Variants in DCHS2 observed in about 807,000 individuals in gnomAD.
The protein encoded by DCHS2 is protocadherin-23.
Under a neutral mutation model 182.4 loss-of-function variants are expected in DCHS2, and 142 were observed. The ratio of observed to expected loss-of-function variants is 0.78; its 90% CI spans 0.68 to 0.89. The LOEUF (loss-of-function observed/expected upper bound fraction) is 0.89. Ranked by LOEUF, DCHS2 falls within the 40% of genes least tolerant of loss-of-function variation. DCHS2 has a pLI of 0.00. For missense variants in DCHS2, 4,319 were observed against 4,198.6 expected (o/e 1.03, Z -0.79); for synonymous variants, 1,740 against 1,663.3 (o/e 1.05, Z -1.12).
At chr4:154,414,093 C>T (rs977349855) in intron 1 of DCHS2, among the ~76,000 whole-genome samples, 17 of 151,752 alleles carry the variant, frequency 1.1e-4, no homozygotes, top group African/African-American at 3.9e-4. Flanking sequence ...TCTTATTCAC[C>T]ACTATCTCCT....
At chr4:154,394,840 C>G (rs1026242993) in intron 1 of DCHS2, among the ~76,000 whole-genome samples, 11 of 152,184 alleles carry the variant, frequency 7.2e-5, no homozygotes, top group Non-Finnish European at 4.4e-5. Flanking sequence ...GTGTTTCCCT[C>G]AAGTCTCAAA....
At chr4:154,331,457 G>C (rs1231784127) in intron 5 of DCHS2, 1 of 1,048,620 alleles carries the variant, frequency 9.5e-7, no homozygotes, top group African/African-American at 1.6e-5. Context: ...CCATATAGCT[G>C]TATGGTTTGT....
intron 1 of DCHS2, among the ~76,000 whole-genome samples, chr4:154,449,832 G>T (rs943565141): frequency 2.0e-5 from 3 of 152,136 alleles, no homozygotes; most frequent in Admixed American, 6.5e-5. Flanking sequence ...TCATTTGTTT[G>T]CCTTCACGTT....
Position 154,374,683 on chromosome 4 carries a change from T to C in DCHS2, c.2244+2570A>G, listed in dbSNP as rs543696668. Among the ~76,000 whole-genome samples, 127 of 152,260 alleles carry C rather than the reference T, an allele frequency of 8.3e-4. 1 individual carries two copies. In the Middle Eastern group the frequency reaches 0.01, roughly 12 times the overall value. ...TTGTAATATATTTAGACTCATTTTT[T>C]CCCCAAAATTCACAGCTTAAATAGG... On this transcript the variant is annotated intron_variant, in intron 2 of 19. Coordinates refer to ENST00000357232, the MANE Select transcript of DCHS2 (RefSeq NM_001358235.2).
chr4:154,327,576 G>T (rs1736330604), intron 7 of DCHS2, among the ~76,000 whole-genome samples: 1 of 151,998 alleles, frequency 6.6e-6, no homozygotes, highest in Non-Finnish European at 1.5e-5. Flanking sequence ...GTAAATAACT[G>T]GAAAAAATCT....
chr4:154,385,222 C>T (rs1731351538), intron 1 of DCHS2, among the ~76,000 whole-genome samples: 1 of 152,016 alleles, frequency 6.6e-6, no homozygotes, highest in South Asian at 2.1e-4. Context: ...TGGTTTCCAG[C>T]TTCATCCATG....
intron 3 of DCHS2, among the ~76,000 whole-genome samples, chr4:154,349,742 C>T (rs2111403891): frequency 6.6e-6 from 1 of 152,166 alleles, no homozygotes; most frequent in South Asian, 2.1e-4. Context: ...CAGTTGTAAC[C>T]AAATGCTGAT....
intron 17 of DCHS2, among the ~76,000 whole-genome samples, chr4:154,241,174 G>C (rs1014520212): frequency 6.6e-6 from 1 of 151,982 alleles, no homozygotes; most frequent in Non-Finnish European, 1.5e-5. Context: ...TATCTTCATG[G>C]GGGATATGAA....
At chr4:154,384,439 C>T (rs775081669) in intron 1 of DCHS2, 13 of 1,610,046 alleles carry the variant, frequency 8.1e-6, no homozygotes, top group East Asian at 2.2e-5. Context: ...AGCTCAGTCT[C>T]GGGACTACCT....
chr4:154,462,074 C>T (rs1040687664), intron 1 of DCHS2, among the ~76,000 whole-genome samples: 1 of 152,156 alleles, frequency 6.6e-6, no homozygotes, highest in African/African-American at 2.4e-5. Flanking sequence ...CGCCCCACTC[C>T]CAACAAGATG....
chr4:154,323,683 T>C (rs528580418), intron 7 of DCHS2, among the ~76,000 whole-genome samples: 1 of 152,322 alleles, frequency 6.6e-6, no homozygotes, highest in African/African-American at 2.4e-5. Context: ...ATTCATCTGA[T>C]GGATTGCAGT....
intron 1 of DCHS2, among the ~76,000 whole-genome samples, chr4:154,420,174 T>C (rs893518471): frequency 6.6e-6 from 1 of 150,386 alleles, no homozygotes; most frequent in Non-Finnish European, 1.5e-5. Flanking sequence ...GGAGACCAGA[T>C]GGAGAGAAGA....
At chr4:154,371,550 G>T (rs1579017563) in intron 2 of DCHS2, among the ~76,000 whole-genome samples, 1 of 152,248 alleles carries the variant, frequency 6.6e-6, no homozygotes, top group East Asian at 1.9e-4. Context: ...GAGAAGGCAG[G>T]TAGGTGTATT....
rs1406557704 is a variant in DCHS2, at chr4:154,252,565, C to CAAAT, written c.6941+2950_6941+2953dup. Reference sequence around the variant, plus strand: ...CATTTGTTGTAATTTTTAGCTCCCACAAATAAGTGAGAACATGTGATGTTT... The same window carrying CAAAT: ...CATTTGTTGTAATTTTTAGCTCCCACAAATAAATAAGTGAGAACATGTGATGTTT... On this transcript the variant is annotated intron_variant, in intron 16 of 19. Coordinates refer to ENST00000357232, the MANE Select transcript of DCHS2 (RefSeq NM_001358235.2). 2.0e-5 allele frequency among the ~76,000 whole-genome samples: 3 copies of CAAAT among 151,898 alleles called. No individual in the cohort carries two copies. In the East Asian group the frequency reaches 5.8e-4, roughly 30 times the overall value.
Position 154,297,870 on chromosome 4 carries a change from C to T in DCHS2, c.6444G>A (p.Val2148=), listed in dbSNP as rs1211571884. Residue 2148 remains valine, a synonymous_variant, in exon 13 of 20, where the codon GTG becomes GTA. Transcript: ENST00000357232. ...SFSHHLYKGL[V]TENCEAGTSI... ...ACTCACCTGCCTCACAATTTTCAGT[C>T]ACGAGCCCTTTATACAGGTGGTGGC... 6.2e-7 allele frequency: 1 copy of T among 1,609,600 alleles called. No homozygotes were observed. Among genetic ancestry groups the T allele is most frequent in the African/African-American group, 1.3e-5 (1 of 74,890 alleles).
intron 14 of DCHS2, among the ~76,000 whole-genome samples, chr4:154,264,021 C>T (rs1039002980): frequency 2.0e-5 from 3 of 152,000 alleles, no homozygotes; most frequent in African/African-American, 4.8e-5. Flanking sequence ...TAGTTTAAGC[C>T]TGAATTTATG....
intron 3 of DCHS2, among the ~76,000 whole-genome samples, chr4:154,346,830 C>G (rs999886767): frequency 6.6e-5 from 10 of 151,850 alleles, no homozygotes; most frequent in Non-Finnish European, 1.3e-4. Flanking sequence ...AACCCATACT[C>G]CCCCTCTTGA....
chr4:154,298,061 A>G lies in DCHS2; in HGVS notation c.6253T>C (p.Ser2085Pro), dbSNP rs537852991. The G allele has an allele frequency of 5.6e-6, 9 of 1,614,160 alleles. 1 individual carries two copies. The highest frequency in any genetic ancestry group is 5.3e-5 in the African/African-American group (4 of 75,046). ...ATTTCTCCTGTGTATTTATCAATAG[A>G]AAACATTGACTGGGTCTCTGCAAAA... is the stretch of plus-strand genomic sequence containing the variant. ...FSFAETQSMF[S>P]IDKYTGEIQF... The change falls in exon 13 of 20, where the codon TCT becomes CCT. Residue 2085 changes from serine to proline, a missense_variant. Coordinates refer to ENST00000357232, the MANE Select transcript of DCHS2 (RefSeq NM_001358235.2).
At chr4:154,267,589 T>C (rs1428024596) in intron 14 of DCHS2, among the ~76,000 whole-genome samples, 1 of 152,208 alleles carries the variant, frequency 6.6e-6, no homozygotes, top group East Asian at 1.9e-4. Flanking sequence ...ACACTTGATT[T>C]TATCATATGT....
Sources: allele counts gnomAD v4.1 joint callset (sites outside exome capture counted in the v4.1 genomes callset), GRCh38; gene constraint gnomAD v4.1.1; transcripts MANE v1.5; gene names NCBI Gene and HGNC (gene_info 2026-07-23, HGNC 2026-07-21).